Variants in SLC24A4 observed in about 807,000 individuals in gnomAD.
SLC24A4 encodes solute carrier family 24 member 4, also known as sodium/potassium/calcium exchanger 4.
SLC24A4 carries 53 observed loss-of-function variants against 79.0 expected under a neutral mutation model. That is an observed-to-expected ratio of 0.67 (90% CI 0.54 to 0.84). The LOEUF (loss-of-function observed/expected upper bound fraction) is 0.84, where lower values mean the gene tolerates loss of function less well. SLC24A4 is among the 40% of genes least tolerant of loss of function. The probability of loss-of-function intolerance (pLI) is 0.00; values close to 1 mark genes in which losing one functional copy is unlikely to be tolerated. For missense variants in SLC24A4, 731 were observed against 822.0 expected (o/e 0.89, Z 1.35); for synonymous variants, 323 against 323.8 (o/e 1.00, Z 0.03).
At position 92,490,522 on chromosome 14, in the gene SLC24A4, T is replaced by C. The variant is rs1644799798; in HGVS notation, c.1538-1143T>C. Among the ~76,000 whole-genome samples, 1 of 152,192 alleles carries C rather than the reference T, an allele frequency of 6.6e-6. No homozygotes were observed. The highest frequency in any genetic ancestry group is 1.5e-5 in the Non-Finnish European group (1 of 68,028). On this transcript the variant is annotated intron_variant, in intron 14 of 16. Transcript: ENST00000532405. This position sits in a 1 kb window ranked among gnomAD's most constrained non-coding sequence, Gnocchi z 4.3. ...CCAGAGCATACAATCCGATATCCTG[T>C]GATTCCCAGGCAGGGTCGTGGGTGC...
At chr14:92,403,707 A>C (rs1890230720) in intron 2 of SLC24A4, among the ~76,000 whole-genome samples, 1 of 151,868 alleles carries the variant, frequency 6.6e-6, no homozygotes, top group Admixed American at 6.6e-5. Flanking sequence ...TTCTAGATAC[A>C]GTTAGGGCCA....
chr14:92,454,246 T>C (rs1893328639), intron 11 of SLC24A4, among the ~76,000 whole-genome samples, 177 bp downstream of exon 11: 1 of 152,238 alleles, frequency 6.6e-6, no homozygotes. Context: ...AGAGATATTT[T>C]AAAGCCTGCA....
rs115199447 is a variant in SLC24A4 at position 92,350,471 on chromosome 14, T to C, written c.241+24493T>C. Among the ~76,000 whole-genome samples, 756 of 152,308 alleles carry C rather than the reference T, an allele frequency of 5.0e-3. 8 individuals are homozygous for C. Among genetic ancestry groups the C allele is most frequent in the African/African-American group, 0.017 (698 of 41,568 alleles). On this transcript the variant is annotated intron_variant, in intron 2 of 16. Coordinates refer to ENST00000532405, the MANE Select transcript of SLC24A4 (RefSeq NM_153646.4). ...AAGCAAACAGGACCCTCCCAAATTG[T>C]TGGCCGGACTGAGGACCATTTGGGA...
chr14:92,389,821 C>T (rs1022242341), intron 2 of SLC24A4, among the ~76,000 whole-genome samples: 15 of 152,172 alleles, frequency 9.9e-5, no homozygotes, highest in Non-Finnish European at 1.5e-4. Context: ...TAGCAGGTCT[C>T]ATTTCCTGTG....
Position 92,342,367 on chromosome 14 carries a change from T to TTA in SLC24A4, c.241+16389_241+16390insTA, listed in dbSNP as rs879362080. On this transcript the variant is annotated intron_variant, in intron 2 of 16. Transcript: ENST00000532405. ...CCAGATTCTTCTTTTTTTCCCCATT[T>TTA]ATTTATTTATTTATTTATTTATTTA... Among the ~76,000 whole-genome samples, 370 of 135,332 alleles carry TTA rather than the reference T, an allele frequency of 2.7e-3. 3 individuals carry two copies. Among genetic ancestry groups the TTA allele is most frequent in the African/African-American group, 8.9e-3 (283 of 31,726 alleles). The allele number at this position is 135,332 out of a possible 152,430, so 88.8% of individuals were successfully genotyped here. A position where few individuals can be genotyped will look rare whatever the true frequency, so the allele number is the denominator to read the frequency against.
intron 2 of SLC24A4, among the ~76,000 whole-genome samples, chr14:92,358,937 C>T (rs1033431922): frequency 7.2e-5 from 11 of 151,994 alleles, no homozygotes; most frequent in African/African-American, 1.4e-4. Context: ...CCACTCACCT[C>T]GGCCTCCCAA....
intron 2 of SLC24A4, among the ~76,000 whole-genome samples, chr14:92,355,995 A>G (rs1347234565): frequency 1.3e-5 from 2 of 152,242 alleles, no homozygotes; most frequent in Admixed American, 6.5e-5. Flanking sequence ...TTACGATGGC[A>G]TGAAAGCAAT....
At chr14:92,438,362 G>T (rs2402145) in intron 3 of SLC24A4, among the ~76,000 whole-genome samples, 3,360 of 152,266 alleles carry the variant, frequency 0.022, 109 homozygotes, top group African/African-American at 0.07. Context: ...CCAGCACTTT[G>T]GGAGGCTGAG....
intron 2 of SLC24A4, among the ~76,000 whole-genome samples, chr14:92,425,671 TCTC>T (rs1392822832): frequency 6.6e-6 from 1 of 152,114 alleles, no homozygotes; most frequent in South Asian, 2.1e-4. Flanking sequence ...ACTTCAGGGT[TCTC>T]CTCTTTAAAA....
intron 14 of SLC24A4, 73 bp from the exon 15 acceptor site, chr14:92,491,591 GA>G (rs1194115157): frequency 9.8e-7 from 1 of 1,020,764 alleles, no homozygotes; most frequent in Non-Finnish European, 1.6e-6. Context: ...GGCACTGATA[GA>G]ACAGTTAGGA....
intron 2 of SLC24A4, among the ~76,000 whole-genome samples, chr14:92,429,921 A>G (rs560186069): frequency 2.0e-5 from 3 of 152,334 alleles, no homozygotes; most frequent in South Asian, 2.1e-4. Context: ...ATGTTCCCCA[A>G]CAACTCTCCC....
intron 10 of SLC24A4, chr14:92,453,136 C>T (rs1893247221): frequency 6.6e-6 from 1 of 152,270 alleles, no homozygotes; most frequent in South Asian, 2.1e-4. Flanking sequence ...AGAAAGAGGT[C>T]TGGGGACAGG....
At position 92,493,456 on chromosome 14, in the gene SLC24A4, C is replaced by A; in HGVS notation, c.1717-20C>A. The A allele has an allele frequency of 6.2e-7, 1 of 1,613,424 alleles. No individual in the cohort carries two copies. Among genetic ancestry groups the A allele is most frequent in the Non-Finnish European group, 8.5e-7 (1 of 1,179,692 alleles). On this transcript the variant is annotated intron_variant, in intron 16 of 16. Transcript: ENST00000532405. ...ATTTCTTTGCCCTGCAAGCCCAGTT[C>A]CCACACTCTGTCCTCCCAGGTCCTC... is the stretch of plus-strand genomic sequence containing the variant.
rs61552687 is a variant in SLC24A4, at chr14:92,343,703, T to TCC, written c.241+17725_241+17726insCC. 2.4e-3 allele frequency among the ~76,000 whole-genome samples: 334 copies of TCC among 141,958 alleles called. 3 individuals carry two copies. The highest frequency in any genetic ancestry group is 7.7e-3 in the East Asian group (38 of 4,948). The allele number at this position is 141,958 out of a possible 152,430, so 93.1% of individuals were successfully genotyped here. Reference sequence around the variant, plus strand: ...TTCCTTCCTTCCTTCCTTCCTTCCTTTCTTTCTTTCTTTTTTTGAGACAGA... The same window carrying TCC: ...TTCCTTCCTTCCTTCCTTCCTTCCTTCCTCTTTCTTTCTTTTTTTGAGACAGA... On this transcript the variant is annotated intron_variant, in intron 2 of 16. Coordinates refer to ENST00000532405, the MANE Select transcript of SLC24A4 (RefSeq NM_153646.4).
At chr14:92,377,262 A>G (rs767306334) in intron 2 of SLC24A4, among the ~76,000 whole-genome samples, 1 of 152,264 alleles carries the variant, frequency 6.6e-6, no homozygotes, top group Non-Finnish European at 1.5e-5. Flanking sequence ...TATGAAGACC[A>G]AATGGTAGAA....
At chr14:92,389,723 C>CA (rs1353517060) in intron 2 of SLC24A4, among the ~76,000 whole-genome samples, 3 of 152,212 alleles carry the variant, frequency 2.0e-5, no homozygotes, top group South Asian at 4.1e-4. Context: ...TAAGCCAGTG[C>CA]ACTTTCCCCC....
chr14:92,483,827 T>G (rs1267547339), intron 13 of SLC24A4: 1 of 1,289,910 alleles, frequency 7.8e-7, no homozygotes, highest in Non-Finnish European at 1.0e-6. Context: ...ATCGAGTCCC[T>G]TTATTCTCCT....
At chr14:92,409,730 T>G (rs1303926123) in intron 2 of SLC24A4, among the ~76,000 whole-genome samples, 2 of 152,112 alleles carry the variant, frequency 1.3e-5, no homozygotes, top group Non-Finnish European at 2.9e-5. Context: ...AGGTCTCATA[T>G]GCACACAAGT....
At position 92,453,693 on chromosome 14, in the gene SLC24A4, C is replaced by T. The variant is rs34250553; in HGVS notation, c.881-207C>T. ...GAGCAAGGGGACACACTGGGCTTCA[C>T]ACACTAGGTCAGCAGGTGTTTCAAA... On this transcript the variant is annotated intron_variant, in intron 10 of 16. Transcript: ENST00000532405. 0.25 allele frequency: 128,690 copies of T among 517,230 alleles called. 16,948 individuals carry two copies. The highest frequency in any genetic ancestry group is 0.27 in the Non-Finnish European group (80,576 of 298,666). 32.0% of individuals were successfully genotyped at this position (517,230 alleles called of 1,614,324 possible).
Sources: gnomAD v4.1 joint callset for allele counts (sites outside exome capture counted in the v4.1 genomes callset) on GRCh38, gnomAD v4.1.1 for gene constraint, Gnocchi (gnomAD v3.1) non-coding constraint, MANE v1.5 for transcripts, NCBI Gene and HGNC (gene_info 2026-07-23, HGNC 2026-07-21) for gene names.